Variants in CORO2B observed in about 807,000 individuals in gnomAD.
CORO2B encodes the protein coronin 2B.
CORO2B carries 26 observed loss-of-function variants against 58.8 expected under a neutral mutation model. The ratio of observed to expected loss-of-function variants is 0.44; its 90% CI spans 0.32 to 0.61. The LOEUF is 0.61. CORO2B is among the 20% of genes least tolerant of loss of function. CORO2B has a pLI of 0.04. For synonymous variants in CORO2B, 242 were observed against 253.8 expected (o/e 0.95, Z 0.44); for missense variants, 460 against 645.1 (o/e 0.71, Z 3.11).
At chr15:68,520,817 G>A in the CORO2B span, among the ~76,000 whole-genome samples, 11 of 152,216 alleles carry the variant, frequency 7.2e-5, no homozygotes, top group African/African-American at 2.4e-4. Flanking sequence ...AGGCCGAGGC[G>A]GGTGGATCAC....
intron 1 of CORO2B, among the ~76,000 whole-genome samples, chr15:68,604,983 A>T (rs1423387815): frequency 1.3e-5 from 2 of 152,128 alleles, no homozygotes; most frequent in Admixed American, 1.3e-4. Flanking sequence ...GCATGGTGGC[A>T]CACACCTGTA....
intron 1 of CORO2B, among the ~76,000 whole-genome samples, chr15:68,614,867 G>A (rs980225289): frequency 2.0e-5 from 3 of 152,246 alleles, no homozygotes; most frequent in Non-Finnish European, 2.9e-5. Context: ...AGATGGTCCC[G>A]AGGCTGGTCC....
At chr15:68,694,655 C>T (rs1221174899) in intron 2 of CORO2B, among the ~76,000 whole-genome samples, 1 of 152,202 alleles carries the variant, frequency 6.6e-6, no homozygotes. Flanking sequence ...GAGCCTCCTC[C>T]TGATCCAAAG....
rs1403010206 is a variant in CORO2B at position 68,727,198 on chromosome 15, T to C, written c.*1224T>C. On this transcript the variant is annotated 3_prime_UTR_variant, in exon 12 of 12. Transcript: ENST00000261861. ...ATGACCACAGCCACTCGCATCCGTA[T>C]AGCACTTTAAAGTTTCTGCAGTCCT... 1 of 152,674 alleles carries C rather than the reference T, an allele frequency of 6.5e-6. No individual in the cohort carries two copies. The highest frequency in any genetic ancestry group is 1.5e-5 in the Non-Finnish European group (1 of 68,072). 9.5% of individuals were successfully genotyped at this position (152,674 alleles called of 1,614,324 possible).
chr15:68,534,172 G>A, the CORO2B span, among the ~76,000 whole-genome samples: 2 of 152,162 alleles, frequency 1.3e-5, no homozygotes, highest in African/African-American at 4.8e-5. Flanking sequence ...TGCCCTTCTA[G>A]ATGCAGCTTA....
At chr15:68,582,981 G>A (rs1433027995) in intron 1 of CORO2B, among the ~76,000 whole-genome samples, 5 of 152,150 alleles carry the variant, frequency 3.3e-5, no homozygotes, top group African/African-American at 1.2e-4. Flanking sequence ...CTTAGGAGAG[G>A]GAGTGTGGGA....
At chr15:68,713,342 G>T (rs1302686709) in intron 5 of CORO2B, among the ~76,000 whole-genome samples, 1 of 152,136 alleles carries the variant, frequency 6.6e-6, no homozygotes. Context: ...GTGGACGTTG[G>T]CTCCCCTCTC....
intron 1 of CORO2B, among the ~76,000 whole-genome samples, chr15:68,614,724 G>GC (rs1900312793): frequency 6.6e-6 from 1 of 152,188 alleles, no homozygotes; most frequent in African/African-American, 2.4e-5. Flanking sequence ...TTCCGTTCCT[G>GC]CCTTGTGTGC....
At chr15:68,668,281 AG>A (rs5813504) in intron 2 of CORO2B, among the ~76,000 whole-genome samples, 1 of 151,696 alleles carries the variant, frequency 6.6e-6, no homozygotes. Context: ...AGGGCTGGGG[AG>A]GGGGGCGCTA....
the CORO2B span, among the ~76,000 whole-genome samples, chr15:68,520,948 C>T: frequency 3.3e-5 from 5 of 152,010 alleles, no homozygotes; most frequent in African/African-American, 4.8e-5. Flanking sequence ...ACTTGGGAGG[C>T]TGAAGCAGGA....
At chr15:68,564,144 A>G in the CORO2B span, among the ~76,000 whole-genome samples, 19 of 152,154 alleles carry the variant, frequency 1.2e-4, no homozygotes, top group African/African-American at 4.6e-4. Context: ...TTATTGTCGA[A>G]TGTGTTGAGG....
chr15:68,674,132 A>T (rs922885613), intron 2 of CORO2B, among the ~76,000 whole-genome samples: 16 of 152,208 alleles, frequency 1.1e-4, no homozygotes, highest in Non-Finnish European at 2.4e-4. Context: ...GTTCCCTCCC[A>T]CAGAGTCTAA....
At chr15:68,611,545 G>T (rs183983089) in intron 1 of CORO2B, among the ~76,000 whole-genome samples, 1 of 151,856 alleles carries the variant, frequency 6.6e-6, no homozygotes, top group East Asian at 1.9e-4. Flanking sequence ...TCTCTGTTTG[G>T]ATATATCTTC....
At chr15:68,629,185 C>G (rs2899743) in intron 1 of CORO2B, among the ~76,000 whole-genome samples, 59,723 of 152,122 alleles carry the variant, frequency 0.39, 13,387 homozygotes, top group African/African-American at 0.62. Flanking sequence ...GGAAATTCTG[C>G]AGTAGTTCTG....
intron 1 of CORO2B, among the ~76,000 whole-genome samples, chr15:68,587,091 CACACAA>C: frequency 7.1e-6 from 1 of 140,272 alleles, no homozygotes; most frequent in Admixed American, 7.1e-5. Context: ...CACACACACA[CACACAA>C]TTTTTTTCTA....
chr15:68,681,273 G>A (rs991169295), intron 2 of CORO2B, among the ~76,000 whole-genome samples: 1 of 152,048 alleles, frequency 6.6e-6, no homozygotes, highest in African/African-American at 2.4e-5. Context: ...ACCACAAGAT[G>A]TGAAGTGCAC....
At chr15:68,669,551 A>G (rs1051395337) in intron 2 of CORO2B, among the ~76,000 whole-genome samples, 1 of 152,172 alleles carries the variant, frequency 6.6e-6, no homozygotes, top group Non-Finnish European at 1.5e-5. Flanking sequence ...AGAGCAATCT[A>G]TTCCCGGGAC....
the CORO2B span, among the ~76,000 whole-genome samples, chr15:68,542,288 A>G: frequency 6.6e-6 from 1 of 152,218 alleles, no homozygotes; most frequent in Non-Finnish European, 1.5e-5. Flanking sequence ...AATGCAGCCA[A>G]CAGCAAGCAA....
rs1306685924 is a variant in CORO2B at position 68,726,508 on chromosome 15, C to T, written c.*534C>T. On this transcript the variant is annotated 3_prime_UTR_variant, in exon 12 of 12. Transcript: ENST00000261861. ...AGCCTGCCTCACCCGACGAGGACAG[C>T]GAGCGGCCCGGCTCCTTTCTGTCTC... 6 of 165,090 alleles carry T rather than the reference C, an allele frequency of 3.6e-5. No individual in the cohort carries two copies. Among genetic ancestry groups the T allele is most frequent in the East Asian group, 3.8e-4 (2 of 5,244 alleles). 10.2% of individuals were successfully genotyped at this position (165,090 alleles called of 1,614,324 possible).
Sources: allele counts gnomAD v4.1 joint callset (sites outside exome capture counted in the v4.1 genomes callset), GRCh38; gene constraint gnomAD v4.1.1; transcripts MANE v1.5; gene names NCBI Gene and HGNC (gene_info 2026-07-23, HGNC 2026-07-21).